The following VDAC1 variants were observed in gnomAD, a reference collection of about 807,000 sequenced individuals.
VDAC1 encodes non-selective voltage-gated ion channel VDAC1.
VDAC1 carries 10 observed loss-of-function variants against 34.7 expected under a neutral mutation model. That is an observed-to-expected ratio of 0.29 (90% CI 0.18 to 0.49). The LOEUF is 0.49. Ranked by LOEUF, VDAC1 falls within the 20% of genes least tolerant of loss-of-function variation. The pLI, the probability that VDAC1 is intolerant of heterozygous loss-of-function variation, is 0.99. For missense variants in VDAC1, 230 were observed against 347.9 expected (o/e 0.66, Z 2.69); for synonymous variants, 130 against 136.0 (o/e 0.96, Z 0.30).
chr5:134,041,511 A>AC, the VDAC1 span, among the ~76,000 whole-genome samples: 12 of 152,198 alleles, frequency 7.9e-5, no homozygotes, highest in Admixed American at 7.8e-4. Context: ...TGGTCCCAGG[A>AC]CCAGCTGCTC....
chr5:134,024,601 T>TAA, the VDAC1 span, among the ~76,000 whole-genome samples: 3 of 138,444 alleles, frequency 2.2e-5, no homozygotes, highest in Non-Finnish European at 4.7e-5. Context: ...GATAGAAACT[T>TAA]AAAAAAAAAA....
At chr5:134,038,723 T>G in the VDAC1 span, among the ~76,000 whole-genome samples, 1 of 152,260 alleles carries the variant, frequency 6.6e-6, no homozygotes, top group Non-Finnish European at 1.5e-5. Context: ...CTTTGCTAAT[T>G]ACCCCGTGAC....
At position 133,977,322 on chromosome 5, in the gene VDAC1, G is replaced by A. The variant is rs754609469; in HGVS notation, c.552-1301C>T. On this transcript the variant is annotated intron_variant, in intron 6 of 8. Transcript: ENST00000265333. ...GCAACATCTAAGCCTGGCAGGATTT[G>A]AAAGGGAGCTTTTTGCTACATCATA... 4.6e-5 allele frequency among the ~76,000 whole-genome samples: 7 copies of A among 152,322 alleles called. No homozygotes were observed. In the South Asian group the frequency reaches 8.3e-4, roughly 18 times the overall value.
chr5:133,999,800 AAGACG>A (rs1753470768), intron 1 of VDAC1, among the ~76,000 whole-genome samples: 1 of 152,172 alleles, frequency 6.6e-6, no homozygotes, highest in South Asian at 2.1e-4. Flanking sequence ...GATCCCTGCA[AAGACG>A]CTAACCAACA....
chr5:134,055,586 A>ATGTTTTTGTTTTTTTTTTTGTTTT, the VDAC1 span, among the ~76,000 whole-genome samples: 5 of 60,076 alleles, frequency 8.3e-5, no homozygotes, highest in African/African-American at 5.4e-4. Context: ...CGCCCCGCTA[A>ATGTTTTTGTTTTTTTTTTTGTTTT]TGTTTTTTTT....
At chr5:134,074,277 A>G in the VDAC1 span, among the ~76,000 whole-genome samples, 1,533 of 151,630 alleles carry the variant, frequency 0.01, 31 homozygotes, top group African/African-American at 0.036. Context: ...CTGCCATTAC[A>G]CTGGGCCACA....
chr5:134,102,722 C>A, the VDAC1 span, among the ~76,000 whole-genome samples: 1 of 152,086 alleles, frequency 6.6e-6, no homozygotes, highest in East Asian at 1.9e-4. Flanking sequence ...ATTACAAAAG[C>A]AACTCATGGT....
chr5:134,067,102 G>A, the VDAC1 span, among the ~76,000 whole-genome samples: 8 of 144,786 alleles, frequency 5.5e-5, no homozygotes, highest in Admixed American at 2.1e-4. Context: ...TTTTTGAGAC[G>A]GAGTTTGTTG....
At chr5:134,075,763 T>C in the VDAC1 span, among the ~76,000 whole-genome samples, 1 of 151,324 alleles carries the variant, frequency 6.6e-6, no homozygotes, top group South Asian at 2.1e-4. Context: ...TTTTGTATTA[T>C]TTTAGTAGAG....
At chr5:134,069,918 G>T in the VDAC1 span, among the ~76,000 whole-genome samples, 11 of 152,222 alleles carry the variant, frequency 7.2e-5, no homozygotes, top group African/African-American at 2.6e-4. Context: ...CCAAGATGGC[G>T]ACAAGAGTGA....
the VDAC1 span, among the ~76,000 whole-genome samples, chr5:134,060,976 A>G: frequency 1.4e-5 from 2 of 144,280 alleles, no homozygotes; most frequent in Non-Finnish European, 3.0e-5. Flanking sequence ...AGGTTCCAGC[A>G]ATTCTCCCAC....
the VDAC1 span, among the ~76,000 whole-genome samples, chr5:134,090,935 A>G: frequency 6.6e-6 from 1 of 152,146 alleles, no homozygotes; most frequent in Non-Finnish European, 1.5e-5. Context: ...CTCAGATCCA[A>G]CTGCAGTGGC....
At chr5:134,005,769 G>A (rs1253132696), upstream of VDAC1, among the ~76,000 whole-genome samples, 1 of 152,224 alleles carries the variant, frequency 6.6e-6, no homozygotes, top group African/African-American at 2.4e-5. Context: ...CCTGTGTTAC[G>A]CGCGAGGCCC....
intron 5 of VDAC1, among the ~76,000 whole-genome samples, chr5:133,986,156 T>C (rs1170865901): frequency 6.6e-6 from 1 of 152,344 alleles, no homozygotes; most frequent in South Asian, 2.1e-4. Flanking sequence ...CTGACTGATT[T>C]GTGGTTAACA....
intron 5 of VDAC1, among the ~76,000 whole-genome samples, chr5:133,982,385 G>A (rs1308157577): frequency 4.0e-5 from 6 of 151,884 alleles, no homozygotes; most frequent in South Asian, 2.1e-4. Flanking sequence ...GGTGGTGGGC[G>A]TGTGTAATCC....
At chr5:133,994,104 T>C (rs931282541) in intron 1 of VDAC1, among the ~76,000 whole-genome samples, 3 of 152,198 alleles carry the variant, frequency 2.0e-5, no homozygotes, top group Non-Finnish European at 1.5e-5. Flanking sequence ...CATGTATATA[T>C]ATTCACACAA....
chr5:134,041,166 A>C, the VDAC1 span, among the ~76,000 whole-genome samples: 7 of 152,212 alleles, frequency 4.6e-5, no homozygotes, highest in African/African-American at 1.7e-4. Context: ...TGCTTCAAAG[A>C]CTTGGCTGAC....
the VDAC1 span, among the ~76,000 whole-genome samples, chr5:134,093,812 G>A: frequency 6.6e-6 from 1 of 152,202 alleles, no homozygotes. Flanking sequence ...GCTGCCCAGA[G>A]GACTGAGCCC....
chr5:134,114,347 T>C, the VDAC1 span, among the ~76,000 whole-genome samples: 3 of 152,052 alleles, frequency 2.0e-5, no homozygotes, highest in African/African-American at 7.2e-5. Flanking sequence ...ACACCACGGC[T>C]GCGATGGTAA....
Sources: allele counts gnomAD v4.1 joint callset (sites outside exome capture counted in the v4.1 genomes callset), GRCh38; gene constraint gnomAD v4.1.1; transcripts MANE v1.5; gene names NCBI Gene and HGNC (gene_info 2026-07-23, HGNC 2026-07-21).